The following SEMA3A variants were observed in gnomAD, a reference collection of about 807,000 sequenced individuals.
SEMA3A encodes the protein semaphorin 3A, also known as semaphorin-3A.
Under a neutral mutation model 97.9 loss-of-function variants are expected in SEMA3A, and 29 were observed. The ratio of observed to expected loss-of-function variants is 0.30; its 90% CI spans 0.22 to 0.40. SEMA3A has a LOEUF of 0.40. Ranked by LOEUF, SEMA3A falls within the 10% of genes least tolerant of loss-of-function variation. SEMA3A has a pLI of 1.00. For missense variants in SEMA3A, 763 were observed against 951.3 expected (o/e 0.80, Z 2.60); for synonymous variants, 321 against 323.7 (o/e 0.99, Z 0.09).
intron 1 of SEMA3A, among the ~76,000 whole-genome samples, chr7:84,429,195 A>G (rs1333987062): frequency 6.6e-6 from 1 of 151,942 alleles, no homozygotes. Flanking sequence ...CCTACATCAA[A>G]TAACATCACA....
intron 15 of SEMA3A, among the ~76,000 whole-genome samples, chr7:83,975,556 T>C (rs928221032): frequency 2.0e-5 from 3 of 152,188 alleles, no homozygotes; most frequent in African/African-American, 7.2e-5. Context: ...CTTGAAATTT[T>C]TAGATCATTC....
intron 5 of SEMA3A, among the ~76,000 whole-genome samples, chr7:84,050,130 T>C (rs1792551043): frequency 6.6e-6 from 1 of 151,712 alleles, no homozygotes; most frequent in Admixed American, 6.6e-5. Flanking sequence ...GACATTTGGG[T>C]TGGTTCCAAG....
At chr7:84,424,308 T>C (rs957648639) in intron 1 of SEMA3A, among the ~76,000 whole-genome samples, 2 of 143,980 alleles carry the variant, frequency 1.4e-5, no homozygotes, top group Non-Finnish European at 3.0e-5. Flanking sequence ...AATATATTGA[T>C]ATAAATACAT....
intron 1 of SEMA3A, among the ~76,000 whole-genome samples, chr7:84,445,516 A>AAAAAAAAAAAAG (rs1805391070): frequency 5.7e-5 from 7 of 123,720 alleles, no homozygotes; most frequent in African/African-American, 1.5e-4. Flanking sequence ...AAAAAAAAAA[A>AAAAAAAAAAAAG]AAAAGAAAAG....
intron 1 of SEMA3A, among the ~76,000 whole-genome samples, chr7:84,152,256 G>A (rs1209569948): frequency 2.0e-5 from 3 of 147,196 alleles, no homozygotes; most frequent in African/African-American, 5.0e-5. Flanking sequence ...TGTTTATTGC[G>A]GCATTATTCA....
At chr7:84,177,547 T>G (rs2116225502) in intron 1 of SEMA3A, among the ~76,000 whole-genome samples, 1 of 152,244 alleles carries the variant, frequency 6.6e-6, no homozygotes, top group African/African-American at 2.4e-5. Context: ...TTGTTTTTTA[T>G]AGGTTTTGTT....
intron 5 of SEMA3A, among the ~76,000 whole-genome samples, chr7:84,052,756 T>C (rs1482046254): frequency 1.3e-5 from 2 of 150,934 alleles, no homozygotes; most frequent in East Asian, 3.9e-4. Context: ...TTCTGCTAGC[T>C]TTTGAATGTG....
chr7:84,254,557 C>T (rs1799674155), intron 3 of SEMA3A, among the ~76,000 whole-genome samples: 1 of 152,006 alleles, frequency 6.6e-6, no homozygotes, highest in African/African-American at 2.4e-5. Context: ...GCATAATATT[C>T]CAATGGGAAT....
Position 83,959,509 on chromosome 7 carries a change from G to T in SEMA3A, c.*1862C>A, listed in dbSNP as rs967886777. 1 of 152,026 alleles carries T rather than the reference G, an allele frequency of 6.6e-6. No homozygotes were observed. Among genetic ancestry groups the T allele is most frequent in the Non-Finnish European group, 1.5e-5 (1 of 67,910 alleles). 9.4% of individuals were successfully genotyped at this position (152,026 alleles called of 1,614,324 possible). A position where few individuals can be genotyped will look rare whatever the true frequency, so the allele number is the denominator to read the frequency against. Reference sequence around the variant, plus strand: ...ATATTAGTCAATGGAGCCTAAAATTGAATGTAGATTATTTTTAGGCTTTTG... The same window carrying T: ...ATATTAGTCAATGGAGCCTAAAATTTAATGTAGATTATTTTTAGGCTTTTG... On this transcript the variant is annotated 3_prime_UTR_variant, in exon 17 of 17. Transcript: ENST00000265362.
In SEMA3A at chr7:84,492,167, C is replaced by T. The variant is rs141765880; in HGVS notation, c.-246+293G>A. On this transcript the variant is annotated intron_variant, in intron 1 of 3. Coordinates refer to the SEMA3A transcript ENST00000424555. ...CATCATTTTTGACAGTAATAAAGGA[C>T]ATTTCACCCAGAAGTAGCAGTTAAT... 4.3e-3 allele frequency among the ~76,000 whole-genome samples: 654 copies of T among 152,184 alleles called. 3 individuals are homozygous for T. In the Middle Eastern group the frequency reaches 0.051, roughly 12 times the overall value.
chr7:84,174,983 A>T (rs1032807151), intron 1 of SEMA3A, among the ~76,000 whole-genome samples: 1 of 152,144 alleles, frequency 6.6e-6, no homozygotes, highest in Admixed American at 6.5e-5. Flanking sequence ...TTAATTTTTT[A>T]ATCTTTTTTT....
At chr7:84,121,431 A>G (rs1369134994) in intron 3 of SEMA3A, among the ~76,000 whole-genome samples, 1 of 148,168 alleles carries the variant, frequency 6.7e-6, no homozygotes, top group Non-Finnish European at 1.5e-5. Context: ...CTCATTGTTC[A>G]ATTCCCACCT....
chr7:84,190,433 T>C (rs564199575), intron 1 of SEMA3A, among the ~76,000 whole-genome samples: 1 of 151,750 alleles, frequency 6.6e-6, no homozygotes, highest in Non-Finnish European at 1.5e-5. Context: ...TCATCCAAAG[T>C]CCTGGTGACA....
At chr7:84,418,853 G>A (rs921501949) in intron 1 of SEMA3A, among the ~76,000 whole-genome samples, 1 of 151,740 alleles carries the variant, frequency 6.6e-6, no homozygotes, top group Admixed American at 6.6e-5. Flanking sequence ...ACATAGCCTT[G>A]TAACTGTGAG....
intron 1 of SEMA3A, among the ~76,000 whole-genome samples, chr7:84,399,117 G>T (rs189215769): frequency 6.6e-6 from 1 of 152,260 alleles, no homozygotes; most frequent in African/African-American, 2.4e-5. Context: ...GAATCTGTGT[G>T]CTTGGGGAGG....
chr7:84,086,488 T>G (rs1030084005), intron 4 of SEMA3A, among the ~76,000 whole-genome samples: 4 of 59,648 alleles, frequency 6.7e-5, no homozygotes, highest in Admixed American at 5.1e-4. Flanking sequence ...TATATTATAT[T>G]TACATATAAT....
chr7:83,961,737 A>C lies in SEMA3A; in HGVS notation c.1950T>G (p.His650Gln), dbSNP rs768394870. ...TTTGTATGAACCCATGTTCCACCGCATGGCAGAGGTAATTGCCTGAATCCT... is the reference window on the plus strand; with the variant it reads ...TTTGTATGAACCCATGTTCCACCGCCTGGCAGAGGTAATTGCCTGAATCCT... ...QQKDSGNYLC[H>Q]AVEHGFIQTL... Residue 650 changes from histidine (H) to glutamine (Q), a missense_variant, in exon 17 of 17, where the codon CAT becomes CAG. Transcript: ENST00000265362. The C allele has an allele frequency of 2.5e-6, 4 of 1,613,982 alleles. No individual in the cohort carries two copies. Among genetic ancestry groups the C allele is most frequent in the Non-Finnish European group, 3.4e-6 (4 of 1,179,904 alleles).
At position 84,046,439 on chromosome 7, in the gene SEMA3A, T is replaced by C. The variant is rs771847294; in HGVS notation, c.552A>G (p.Gly184=). ...CAGCTGCAGTTCCAGAGTATAATTC[T>C]CCATCTGTGTTGTGACAAAACCACA... ...KLLTASLLID[G]ELYSGTAADF... Residue 184 remains glycine, a synonymous_variant, in exon 6 of 17, where the codon GGA becomes GGG. Coordinates refer to ENST00000265362, the MANE Select transcript of SEMA3A (RefSeq NM_006080.3). 5 of 1,612,832 alleles carry C rather than the reference T, an allele frequency of 3.1e-6. No individual in the cohort carries two copies. In the Admixed American group the frequency reaches 8.3e-5, roughly 27 times the overall value.
chr7:84,130,869 T>A (rs73175277), intron 2 of SEMA3A, among the ~76,000 whole-genome samples: 10,634 of 152,052 alleles, frequency 0.07, 446 homozygotes, highest in East Asian at 0.2. Context: ...AACATATATA[T>A]GTTTAAAAAC....
Sources: gnomAD v4.1 joint callset for allele counts (sites outside exome capture counted in the v4.1 genomes callset) on GRCh38, gnomAD v4.1.1 for gene constraint, MANE v1.5 for transcripts, NCBI Gene and HGNC (gene_info 2026-07-23, HGNC 2026-07-21) for gene names.